PITRM1: variants seen among roughly 807,000 people sequenced by gnomAD.
PITRM1 encodes pitrilysin metallopeptidase 1.
Under a neutral mutation model 129.9 loss-of-function variants are expected in PITRM1, and 100 were observed. That is an observed-to-expected ratio of 0.77 (90% confidence interval 0.65 to 0.91). The LOEUF is 0.91. Among genes scored for constraint, PITRM1 ranks in the 40% least tolerant of loss-of-function variants. The pLI is 0.00. For missense variants in PITRM1, 1,471 were observed against 1,318.3 expected (o/e 1.12, Z -1.79); for synonymous variants, 591 against 508.8 (o/e 1.16, Z -2.17).
At chr10:3,141,601 G>C (rs1306072255) in intron 23 of PITRM1, 1 of 453,806 alleles carries the variant, frequency 2.2e-6, no homozygotes, top group South Asian at 1.6e-5. Context: ...CATTCAAGCT[G>C]ATTCTAGAAC....
At chr10:3,163,568 C>T in intron 7 of PITRM1, 157 bp downstream of exon 7, 1 of 621,898 alleles carries the variant, frequency 1.6e-6, no homozygotes, top group Non-Finnish European at 2.7e-6. Flanking sequence ...AATCAATGTC[C>T]AAGTAAGATA....
chr10:3,147,430 C>T lies in PITRM1; in HGVS notation c.2235+142G>A, dbSNP rs372293674. ...TACAAAGAGGAAGATGAGTCAAAAC[C>T]AACCAACCAATTCTTCCCCATATTT... On this transcript the variant is annotated intron_variant, in intron 19 of 26. Coordinates refer to ENST00000224949, the MANE Select transcript of PITRM1 (RefSeq NM_014889.4). The T allele has an allele frequency of 2.7e-5, 30 of 1,110,776 alleles. 1 individual carries two copies. Among genetic ancestry groups the T allele is most frequent in the African/African-American group, 1.7e-4 (11 of 65,320 alleles). The allele number at this position is 1,110,776 out of a possible 1,614,324, so 68.8% of individuals were successfully genotyped here.
At chr10:3,139,581 T>G (rs920192712) in intron 24 of PITRM1, among the ~76,000 whole-genome samples, 2 of 152,180 alleles carry the variant, frequency 1.3e-5, no homozygotes, top group African/African-American at 2.4e-5. Context: ...TCTAGAAGCA[T>G]GGCTTCCAGC....
intron 22 of PITRM1, 51 bp from the exon 23 acceptor site, chr10:3,143,552 C>T (rs1840494265): frequency 1.7e-5 from 22 of 1,275,532 alleles, no homozygotes; most frequent in East Asian, 9.3e-5. Context: ...GCACCGCCCA[C>T]GGCACTGGGA....
intron 10 of PITRM1, among the ~76,000 whole-genome samples, chr10:3,158,707 C>T (rs951922440): frequency 4.6e-5 from 7 of 152,220 alleles, no homozygotes; most frequent in African/African-American, 1.7e-4. Flanking sequence ...AGGATCTCAT[C>T]CAGAGTTCCC....
At chr10:3,142,331 G>A (rs572409721) in intron 23 of PITRM1, among the ~76,000 whole-genome samples, 318 of 152,296 alleles carry the variant, frequency 2.1e-3, no homozygotes, top group Non-Finnish European at 3.6e-3. Flanking sequence ...TGTGACACAC[G>A]TGCACCTCGG....
In PITRM1 at chr10:3,138,252, G is replaced by T. The variant is rs779150706; in HGVS notation, c.3003C>A (p.Leu1001=). ...EQLFAVSHDK[L]LAVSDRYLGT... ...CCACTCACCTATCGCTCACGGCCAG[G>T]AGCTTGTCGTGGCTGACAGCAAAGA... Residue 1001 remains leucine (L), a synonymous_variant, in exon 26 of 27, where the codon CTC becomes CTA. Coordinates refer to ENST00000224949, the MANE Select transcript of PITRM1 (RefSeq NM_014889.4). 4.3e-6 allele frequency: 7 copies of T among 1,613,302 alleles called. No individual in the cohort carries two copies. The Admixed American group carries it at 6.7e-5, about 15-fold the overall frequency.
chr10:3,148,155 G>T lies in PITRM1; in HGVS notation c.1992+16C>A. On this transcript the variant is annotated intron_variant, in intron 17 of 26. Transcript: ENST00000224949. ...AAGCTTCCCACCGCAGCAGTCGTCT[G>T]ACGGTACCAGGCTACCTGCTCGTAG... 1 of 1,613,960 alleles carries T rather than the reference G, an allele frequency of 6.2e-7. No homozygotes were observed. Among genetic ancestry groups the T allele is most frequent in the Non-Finnish European group, 8.5e-7 (1 of 1,179,842 alleles).
chr10:3,142,620 G>A (rs987711738), intron 23 of PITRM1, among the ~76,000 whole-genome samples: 2 of 152,260 alleles, frequency 1.3e-5, no homozygotes, highest in African/African-American at 4.8e-5. Context: ...GAGTTCGGAA[G>A]AAGGGGCTGG....
intron 3 of PITRM1, 113 bp downstream of exon 3, chr10:3,166,823 G>T: frequency 1.7e-6 from 1 of 594,658 alleles, no homozygotes; most frequent in Admixed American, 3.3e-5. Flanking sequence ...TATTTTATGC[G>T]TGGCCTAAGA....
intron 14 of PITRM1, among the ~76,000 whole-genome samples, chr10:3,154,033 A>G (rs1841755317): frequency 6.6e-6 from 1 of 152,046 alleles, no homozygotes; most frequent in South Asian, 2.1e-4. Flanking sequence ...TCCCATCCCC[A>G]CTGCAGTCAA....
At chr10:3,159,220 G>A (rs1354935815) in intron 9 of PITRM1, among the ~76,000 whole-genome samples, 178 bp from the exon 10 acceptor site, 1 of 152,108 alleles carries the variant, frequency 6.6e-6, no homozygotes, top group African/African-American at 2.4e-5. Context: ...TTTTGAAGGG[G>A]GGCACAAACC....
Position 3,165,508 on chromosome 10 carries a change from A to G in PITRM1, c.438T>C (p.Tyr146=). The change falls in exon 5 of 27, where the codon TAT becomes TAC. Residue 146 remains tyrosine (Y), a synonymous_variant. Transcript: ENST00000224949. ...CCTTGGGATTTTGTGTGGAAAATGG[A>G]TACAGAGTATAATCACTAGCTGGGT... The part of the protein sequence containing the change: ...NAFTASDYTL[Y]PFSTQNPKDF... The G allele has an allele frequency of 6.3e-7, 1 of 1,599,470 alleles. No individual in the cohort carries two copies. Among genetic ancestry groups the G allele is most frequent in the African/African-American group, 1.3e-5 (1 of 74,722 alleles).
chr10:3,142,271 C>A (rs1443978886), intron 23 of PITRM1, among the ~76,000 whole-genome samples: 1 of 152,198 alleles, frequency 6.6e-6, no homozygotes. Flanking sequence ...CACTGCAGCC[C>A]CACGTTTCTT....
chr10:3,169,536 G>A (rs1236470694), intron 2 of PITRM1, among the ~76,000 whole-genome samples: 1 of 152,214 alleles, frequency 6.6e-6, no homozygotes, highest in Non-Finnish European at 1.5e-5. Context: ...GCCAACAGCT[G>A]GCCAAATACA....
intron 23 of PITRM1, 141 bp from the exon 24 acceptor site, chr10:3,140,953 T>C (rs913051007): frequency 1.3e-6 from 1 of 772,358 alleles, no homozygotes; most frequent in Non-Finnish European, 2.1e-6. Flanking sequence ...TTTGGTCTTG[T>C]TTTTTAAGAG....
At chr10:3,144,182 C>T (rs745732901) in intron 22 of PITRM1, 110 bp downstream of exon 22, 26 of 675,434 alleles carry the variant, frequency 3.8e-5, no homozygotes, top group Middle Eastern at 2.8e-4. Context: ...TCTAGGGACA[C>T]GCCAGCCCCA....
chr10:3,159,850 C>T lies in PITRM1; in HGVS notation c.1005G>A (p.Pro335=), dbSNP rs751238318. The change falls in exon 9 of 27, where the codon CCG becomes CCA. Residue 335 remains proline, a splice_region_variant and synonymous_variant. Coordinates refer to ENST00000224949, the MANE Select transcript of PITRM1 (RefSeq NM_014889.4). ...QTTISVSFLL[P]DITDTFEAFT... ...GAGCTTTGACAGCATATACTTACTC[C>T]GGTAAGAGGAAGCTAACGCTGATGG... 1.2e-5 allele frequency: 19 copies of T among 1,576,580 alleles called. No homozygotes were observed. Among genetic ancestry groups the T allele is most frequent in the Middle Eastern group, 1.7e-4 (1 of 6,012 alleles).
In PITRM1 at chr10:3,155,666, G is replaced by C. The variant is rs779436579; in HGVS notation, c.1546C>G (p.Gln516Glu). ...TGCTTGAGCTTCGTGGCTTCCACCT[G>C]TGCCTGCTTCTCGTGATACTTGTCA... ...PDDKYHEKQA[Q>E]VEATKLKQKV... is the part of the protein sequence containing the mutation. Residue 516 changes from glutamine to glutamate, a missense_variant, in exon 14 of 27, where the codon CAG (glutamine) becomes GAG (glutamate). By Grantham distance (29) the Gln-to-Glu change is conservative. Coordinates refer to ENST00000224949, the MANE Select transcript of PITRM1 (RefSeq NM_014889.4). 4 of 1,613,900 alleles carry C rather than the reference G, an allele frequency of 2.5e-6. No homozygotes were observed. Among genetic ancestry groups the C allele is most frequent in the Non-Finnish European group, 3.4e-6 (4 of 1,179,864 alleles).
Sources: gnomAD v4.1 joint callset for allele counts (sites outside exome capture counted in the v4.1 genomes callset) on GRCh38, gnomAD v4.1.1 for gene constraint, MANE v1.5 for transcripts, NCBI Gene and HGNC (gene_info 2026-07-23, HGNC 2026-07-21) for gene names.